Variants in MB21D2 observed in about 807,000 individuals in gnomAD.
MB21D2 encodes nucleotidyltransferase MB21D2.
MB21D2 carries 9 observed loss-of-function variants against 33.3 expected under a neutral mutation model. That is an observed-to-expected ratio of 0.27 (90% CI 0.16 to 0.47). MB21D2 has a LOEUF of 0.47. MB21D2 is among the 20% of genes least tolerant of loss of function. The pLI, the probability that MB21D2 is intolerant of heterozygous loss-of-function variation, is 0.99. For synonymous variants in MB21D2, 241 were observed against 236.3 expected (o/e 1.02, Z -0.18); for missense variants, 540 against 624.6 (o/e 0.86, Z 1.44).
chr3:192,886,120 C>A (rs1425049699), intron 1 of MB21D2, among the ~76,000 whole-genome samples: 3 of 151,988 alleles, frequency 2.0e-5, no homozygotes, highest in Admixed American at 6.5e-5. Context: ...CCTCCATGCC[C>A]GGCTAATTTT....
chr3:192,825,831 G>T (rs1188543803), intron 1 of MB21D2, among the ~76,000 whole-genome samples: 1 of 152,248 alleles, frequency 6.6e-6, no homozygotes, highest in Non-Finnish European at 1.5e-5. Context: ...CCAGCAAATT[G>T]CATCAGTCCC....
At chr3:192,878,667 T>C (rs113744728) in intron 1 of MB21D2, among the ~76,000 whole-genome samples, 1,923 of 152,192 alleles carry the variant, frequency 0.013, 40 homozygotes, top group African/African-American at 0.044. Flanking sequence ...ATGGGATGGG[T>C]GTTTTGTGCT....
At position 192,887,408 on chromosome 3, in the gene MB21D2, A is replaced by G. The variant is rs140600215; in HGVS notation, c.211+30222T>C. Among the ~76,000 whole-genome samples the G allele has an allele frequency of 5.2e-3, 794 of 152,264 alleles. 4 individuals are homozygous for G. The highest frequency in any genetic ancestry group is 0.019 in the South Asian group (94 of 4,826). ...TTTACAAGATGAAAAGAGTTCTTGA[A>G]ATTGATTGCACAAAAATGTGAACGT... is the stretch of plus-strand genomic sequence containing the variant. On this transcript the variant is annotated intron_variant, in intron 1 of 1. Coordinates refer to ENST00000392452, the MANE Select transcript of MB21D2 (RefSeq NM_178496.4).
intron 1 of MB21D2, among the ~76,000 whole-genome samples, chr3:192,860,526 T>C (rs1452378507): frequency 6.6e-6 from 1 of 152,200 alleles, no homozygotes; most frequent in Non-Finnish European, 1.5e-5. Flanking sequence ...GCTGGCACAA[T>C]GCACTTCTCC....
intron 1 of MB21D2, among the ~76,000 whole-genome samples, chr3:192,868,708 A>C (rs1397094656): frequency 6.6e-6 from 1 of 152,154 alleles, no homozygotes; most frequent in Non-Finnish European, 1.5e-5. Context: ...ATAAAATGAA[A>C]AGGTTGGTCT....
At chr3:192,809,341 T>C (rs961572183) in intron 1 of MB21D2, among the ~76,000 whole-genome samples, 7 of 152,186 alleles carry the variant, frequency 4.6e-5, no homozygotes, top group Non-Finnish European at 8.8e-5. Context: ...TGATCCGCCT[T>C]GCCTAGGCCT....
chr3:192,896,154 T>A (rs1369938281), intron 1 of MB21D2, among the ~76,000 whole-genome samples: 2 of 152,138 alleles, frequency 1.3e-5, no homozygotes, highest in Non-Finnish European at 2.9e-5. Context: ...CAAAACCTTT[T>A]TAAAAAAACA....
intron 1 of MB21D2, among the ~76,000 whole-genome samples, chr3:192,825,564 T>C (rs1040232038): frequency 3.3e-5 from 5 of 152,226 alleles, no homozygotes; most frequent in African/African-American, 7.2e-5. Flanking sequence ...GCCCACACAA[T>C]CTGCAAGTGG....
At chr3:192,906,917 G>C (rs1044127207) in intron 1 of MB21D2, among the ~76,000 whole-genome samples, 7 of 152,186 alleles carry the variant, frequency 4.6e-5, no homozygotes, top group South Asian at 2.1e-4. Context: ...AGAGACGAAA[G>C]CCTAAACAAG....
intron 1 of MB21D2, among the ~76,000 whole-genome samples, chr3:192,865,710 C>G (rs1263474884): frequency 6.6e-6 from 1 of 152,044 alleles, no homozygotes; most frequent in Non-Finnish European, 1.5e-5. Flanking sequence ...CAACCCCCAC[C>G]CCATCCTCAC....
chr3:192,905,561 C>T lies in MB21D2; in HGVS notation c.211+12069G>A, dbSNP rs1481198624. On this transcript the variant is annotated intron_variant, in intron 1 of 1. Transcript: ENST00000392452. ...CTGAGGCAGGAGAATCGCTTGAACC[C>T]GGGAGGCAGAGGTTCAAGTGAGCCG... Among the ~76,000 whole-genome samples the T allele has an allele frequency of 4.0e-5, 6 of 149,580 alleles. No homozygotes were observed. In the South Asian group the frequency reaches 1.3e-3, roughly 32 times the overall value.
intron 1 of MB21D2, among the ~76,000 whole-genome samples, chr3:192,903,294 T>C (rs1714142187): frequency 6.6e-6 from 1 of 152,204 alleles, no homozygotes; most frequent in South Asian, 2.1e-4. Context: ...AAAGGCAGCA[T>C]TCAGGATGAT....
chr3:192,895,860 G>C (rs1402093606), intron 1 of MB21D2, among the ~76,000 whole-genome samples: 1 of 152,000 alleles, frequency 6.6e-6, no homozygotes, highest in African/African-American at 2.4e-5. Flanking sequence ...AGCCTCTCAA[G>C]TAGCTGGGAC....
chr3:192,912,534 G>A (rs1026244404), intron 1 of MB21D2, among the ~76,000 whole-genome samples: 5 of 152,024 alleles, frequency 3.3e-5, no homozygotes, highest in African/African-American at 1.2e-4. Flanking sequence ...TTGGCCAGGT[G>A]TGGTAGCGGG....
chr3:192,870,699 GAAAAAAAAA>G (rs57320648), intron 1 of MB21D2, among the ~76,000 whole-genome samples: 7 of 41,664 alleles, frequency 1.7e-4, no homozygotes, highest in African/African-American at 3.3e-4. Context: ...CGACTCCGTT[GAAAAAAAAA>G]AAAAAAAAAA....
At chr3:192,832,261 T>C (rs1228059832) in intron 1 of MB21D2, among the ~76,000 whole-genome samples, 3 of 152,206 alleles carry the variant, frequency 2.0e-5, no homozygotes. Context: ...ACACACTTAC[T>C]GATATTTTTT....
At chr3:192,810,898 T>TGC (rs1491070737) in intron 1 of MB21D2, among the ~76,000 whole-genome samples, 3 of 146,230 alleles carry the variant, frequency 2.1e-5, no homozygotes, top group African/African-American at 7.7e-5. Context: ...TGTGTGTGTG[T>TGC]GCGCACGCAC....
chr3:192,870,670 C>T (rs1334248124), intron 1 of MB21D2, among the ~76,000 whole-genome samples: 2 of 138,274 alleles, frequency 1.4e-5, no homozygotes, highest in Admixed American at 7.6e-5. Context: ...GAGATTGCAC[C>T]ACTGCACTCC....
At chr3:192,831,713 T>C (rs1200440608) in intron 1 of MB21D2, among the ~76,000 whole-genome samples, 1 of 152,100 alleles carries the variant, frequency 6.6e-6, no homozygotes, top group Non-Finnish European at 1.5e-5. Flanking sequence ...TTATTAGGGA[T>C]GTACAATTGT....
Sources: gnomAD v4.1 joint callset for allele counts (sites outside exome capture counted in the v4.1 genomes callset) on GRCh38, gnomAD v4.1.1 for gene constraint, MANE v1.5 for transcripts, NCBI Gene and HGNC (gene_info 2026-07-23, HGNC 2026-07-21) for gene names.